The following TPTE2 variants were observed in gnomAD, a reference collection of about 807,000 sequenced individuals.
TPTE2 encodes phosphatidylinositol 3,4,5-trisphosphate 3-phosphatase TPTE2.
In TPTE2, 53 loss-of-function variants were observed where a neutral mutation model predicts 78.6. The ratio of observed to expected loss-of-function variants is 0.67; its 90% CI spans 0.54 to 0.85. TPTE2 has a LOEUF of 0.85. Among genes scored for constraint, TPTE2 ranks in the 40% least tolerant of loss-of-function variants. The pLI is 0.00. For synonymous variants in TPTE2, 175 were observed against 206.2 expected, an observed-to-expected ratio of 0.85 and a Z score of 1.30; for missense variants, 461 against 623.0, an observed-to-expected ratio of 0.74 and a Z score of 2.77.
chr13:19,501,984 G>A (rs1257291864), intron 1 of TPTE2, among the ~76,000 whole-genome samples: 5 of 147,428 alleles, frequency 3.4e-5, no homozygotes, highest in African/African-American at 7.6e-5. Flanking sequence ...AAAAGTGGGC[G>A]AAGGACATGA....
At chr13:19,425,016 T>C in exon 19 of TPTE2, 5 of 1,508,786 alleles carry the variant, frequency 3.3e-6, no homozygotes, top group South Asian at 2.4e-5. Flanking sequence ...TTTAGGAAGA[T>C]TCTAAAAAGA....
chr13:19,434,878 C>G (rs1230075764), intron 15 of TPTE2, among the ~76,000 whole-genome samples: 1 of 152,196 alleles, frequency 6.6e-6, no homozygotes, highest in Non-Finnish European at 1.5e-5. Context: ...AGACTGACAT[C>G]TAGATTTCAG....
At chr13:19,453,221 G>A (rs918936636) in intron 10 of TPTE2, among the ~76,000 whole-genome samples, 2 of 151,548 alleles carry the variant, frequency 1.3e-5, no homozygotes, top group African/African-American at 4.9e-5. Flanking sequence ...TAGAGACAGG[G>A]TTTCACCATG....
At chr13:19,465,354 T>C (rs1190988325) in intron 8 of TPTE2, 36 bp from the exon 12 acceptor site, 30 of 1,613,346 alleles carry the variant, frequency 1.9e-5, no homozygotes, top group Admixed American at 3.3e-5. Context: ...TTGTGAAACA[T>C]TCATCAACAT....
chr13:19,477,407 G>A (rs1880035828), intron 4 of TPTE2, among the ~76,000 whole-genome samples: 1 of 151,952 alleles, frequency 6.6e-6, no homozygotes. Flanking sequence ...GATGAATGAT[G>A]TTAGGTTAAC....
intron 5 of TPTE2, among the ~76,000 whole-genome samples, chr13:19,474,827 T>C (rs1394057678): frequency 6.6e-6 from 1 of 152,226 alleles, no homozygotes; most frequent in East Asian, 1.9e-4. Context: ...ATCTATATCA[T>C]AGTATGAAAT....
At chr13:19,432,612 G>C in intron 15 of TPTE2, 34 bp from the exon 19 acceptor site, 1 of 1,394,428 alleles carries the variant, frequency 7.2e-7, no homozygotes, top group Non-Finnish European at 1.0e-6. Flanking sequence ...TTTAAGTGGA[G>C]ATGAAAAGTC....
chr13:19,531,984 G>A (rs1046393333), intron 1 of TPTE2, among the ~76,000 whole-genome samples: 10 of 152,118 alleles, frequency 6.6e-5, no homozygotes, highest in African/African-American at 1.9e-4. Context: ...TTCTCTAACC[G>A]AGTTGTCAAC....
chr13:19,535,611 CTTATTTATTTATTTAT>C lies in TPTE2; in HGVS notation c.-44+969_-44+984del, dbSNP rs112733083. 5.3e-4 allele frequency among the ~76,000 whole-genome samples: 78 copies of C among 146,530 alleles called. No homozygotes were observed. Among genetic ancestry groups the C allele is most frequent in the African/African-American group, 1.5e-3 (61 of 39,758 alleles). On this transcript the variant is annotated intron_variant, in intron 1 of 17. Transcript: ENST00000390680. This position sits in a 1 kb window ranked among gnomAD's most constrained non-coding sequence, Gnocchi z 5.1. ...TAAGTAATACTATCTCCAGGATTTT[CTTATTTATTTATTTAT>C]TTATTTATTTATTTATTTATTTTGA...
chr13:19,508,529 A>G (rs1186465608), intron 1 of TPTE2, among the ~76,000 whole-genome samples: 1 of 152,158 alleles, frequency 6.6e-6, no homozygotes, highest in East Asian at 1.9e-4. Context: ...GTCAAAAAAT[A>G]TAAATTGTTG....
rs368260590 is a variant in TPTE2, at chr13:19,482,576, T to C, written c.120-29A>G. 5.0e-6 allele frequency: 8 copies of C among 1,608,410 alleles called. No individual in the cohort carries two copies. In the African/African-American group the frequency reaches 9.4e-5, roughly 19 times the overall value. On this transcript the variant is annotated intron_variant, in intron 3 of 19. Transcript: ENST00000400230. ...TAGCCACCAAAAAAAAATGCAAAAA[T>C]ATATCATTAGATATTTGCTACACAA...
At chr13:19,475,484 C>T (rs549943891) in intron 5 of TPTE2, 89 bp downstream of exon 8, 16 of 1,477,502 alleles carry the variant, frequency 1.1e-5, no homozygotes, top group Non-Finnish European at 1.4e-5. Flanking sequence ...CCTCAGCCCC[C>T]CAGAGTGCTG....
chr13:19,541,542 A>C (rs1468590176), upstream of TPTE2, among the ~76,000 whole-genome samples: 2 of 152,242 alleles, frequency 1.3e-5, no homozygotes, highest in African/African-American at 2.4e-5. Context: ...GAAATCATTT[A>C]GTACTTCAGC....
chr13:19,431,461 C>T (rs1020317348), intron 16 of TPTE2, among the ~76,000 whole-genome samples: 2 of 151,966 alleles, frequency 1.3e-5, no homozygotes, highest in African/African-American at 4.8e-5. Context: ...TATTGCTTTC[C>T]TCTCAATTCT....
At chr13:19,505,639 G>A (rs372043366), upstream of TPTE2, 3 of 152,154 alleles carry the variant, frequency 2.0e-5, no homozygotes, top group African/African-American at 7.2e-5. Context: ...TTTGGGTTTC[G>A]TTTGGGGCAC....
At chr13:19,547,476 C>T in the TPTE2 span, among the ~76,000 whole-genome samples, 1 of 151,974 alleles carries the variant, frequency 6.6e-6, no homozygotes, top group Non-Finnish European at 1.5e-5. Flanking sequence ...TTTGTAAGTA[C>T]TTATGGCAAT....
chr13:19,429,374 G>T (rs185031682), intron 17 of TPTE2, among the ~76,000 whole-genome samples: 2 of 152,334 alleles, frequency 1.3e-5, no homozygotes, highest in Non-Finnish European at 2.9e-5. Context: ...TGGATTTAGG[G>T]GGCTGAGGCA....
intron 4 of TPTE2, among the ~76,000 whole-genome samples, chr13:19,477,443 G>C (rs1330667268): frequency 6.6e-6 from 1 of 152,134 alleles, no homozygotes. Flanking sequence ...TCCCCAATCC[G>C]TCTAATCTTC....
chr13:19,468,161 C>CT (rs1879402063), intron 6 of TPTE2, among the ~76,000 whole-genome samples: 2 of 148,698 alleles, frequency 1.3e-5, no homozygotes, highest in Admixed American at 1.4e-4. Context: ...CTGCCTCAGC[C>CT]TCACGAGTAG....
Sources: gnomAD v4.1 joint callset for allele counts (sites outside exome capture counted in the v4.1 genomes callset) on GRCh38, gnomAD v4.1.1 for gene constraint, Gnocchi (gnomAD v3.1) non-coding constraint, MANE v1.5 for transcripts, NCBI Gene and HGNC (gene_info 2026-07-23, HGNC 2026-07-21) for gene names.